Variants in SLC22A24 observed in about 807,000 individuals in gnomAD.
SLC22A24 encodes steroid transmembrane transporter SLC22A24.
A neutral mutation model predicts 49.8 loss-of-function variants in SLC22A24; 53 were observed. The ratio of observed to expected loss-of-function variants is 1.06; its 90% CI spans 0.85 to 1.34. The LOEUF (loss-of-function observed/expected upper bound fraction) is 1.34, where lower values mean the gene tolerates loss of function less well. SLC22A24 is among the 40% of genes most tolerant of loss of function. SLC22A24 has a pLI of 0.00. For synonymous variants in SLC22A24, 302 were observed against 256.4 expected, an observed-to-expected ratio of 1.18 and a Z score of -1.70; for missense variants, 786 against 675.9, an observed-to-expected ratio of 1.16 and a Z score of -1.81.
intron 6 of SLC22A24, among the ~76,000 whole-genome samples, chr11:63,095,050 C>T (rs1315749838): frequency 6.6e-6 from 1 of 152,064 alleles, no homozygotes; most frequent in African/African-American, 2.4e-5. Flanking sequence ...ACATGAAGTC[C>T]TTGCCCATGC....
chr11:63,083,167 C>A, intron 7 of SLC22A24, 76 bp downstream of exon 7: 1 of 1,190,672 alleles, frequency 8.4e-7, no homozygotes, highest in Non-Finnish European at 1.2e-6. Context: ...CTTTTGGCAC[C>A]AGGCATAAAA....
intron 4 of SLC22A24, chr11:63,115,996 C>A: frequency 3.0e-6 from 1 of 328,676 alleles, no homozygotes; most frequent in Admixed American, 3.7e-5. Context: ...TGCCCGAGCC[C>A]CTTGACAACA....
intron 1 of SLC22A24, among the ~76,000 whole-genome samples, chr11:63,136,353 C>A (rs527412338): frequency 6.6e-6 from 1 of 152,152 alleles, no homozygotes; most frequent in Non-Finnish European, 1.5e-5. Flanking sequence ...CTCAGCACTT[C>A]GATGAGATGC....
intron 6 of SLC22A24, among the ~76,000 whole-genome samples, chr11:63,093,569 A>G (rs2087034023): frequency 6.6e-6 from 1 of 152,168 alleles, no homozygotes; most frequent in Non-Finnish European, 1.5e-5. Flanking sequence ...GGAGGTTATT[A>G]TCCTTAGCAA....
chr11:63,125,802 A>G (rs1303072955), intron 2 of SLC22A24, among the ~76,000 whole-genome samples: 1 of 152,216 alleles, frequency 6.6e-6, no homozygotes, highest in Non-Finnish European at 1.5e-5. Flanking sequence ...ATTTCTCCAC[A>G]TCCTCTCCAG....
intron 4 of SLC22A24, among the ~76,000 whole-genome samples, chr11:63,107,580 C>T (rs2087130099): frequency 6.6e-6 from 1 of 152,008 alleles, no homozygotes; most frequent in Non-Finnish European, 1.5e-5. Context: ...AATGTTTTTC[C>T]ACTTGTTTGT....
chr11:63,083,984 A>G (rs1034269753), intron 6 of SLC22A24, among the ~76,000 whole-genome samples: 5 of 152,204 alleles, frequency 3.3e-5, no homozygotes, highest in Non-Finnish European at 5.9e-5. Context: ...TTACTTGTAT[A>G]ATCTGGCCCA....
Position 63,101,317 on chromosome 11 carries a change from T to A in SLC22A24, c.954+2858A>T, listed in dbSNP as rs540371275. On this transcript the variant is annotated intron_variant, in intron 5 of 9. Coordinates refer to ENST00000612278, the MANE Select transcript of SLC22A24 (RefSeq NM_001136506.2). ...GCAATGTTACTACTTGTTTTTTTTT[T>A]AAATTACACTAGGTAAGTGTTTATT... 2.5e-3 allele frequency among the ~76,000 whole-genome samples: 373 copies of A among 152,068 alleles called. 1 individual carries two copies. Among genetic ancestry groups the A allele is most frequent in the African/African-American group, 7.9e-3 (329 of 41,510 alleles).
intron 4 of SLC22A24, among the ~76,000 whole-genome samples, chr11:63,112,619 T>C: frequency 6.6e-6 from 1 of 152,160 alleles, no homozygotes. Context: ...CTCCTTCAGT[T>C]GTGCTCAGAT....
intron 1 of SLC22A24, 41 bp from the exon 2 acceptor site, chr11:63,134,809 G>A (rs1565045143): frequency 7.9e-6 from 11 of 1,384,848 alleles, no homozygotes; most frequent in Admixed American, 2.0e-5. Flanking sequence ...CTTGAGAAGA[G>A]TTTCAACTCT....
At chr11:63,096,741 G>A (rs1405687848) in intron 5 of SLC22A24, among the ~76,000 whole-genome samples, 1 of 152,160 alleles carries the variant, frequency 6.6e-6, no homozygotes, top group Non-Finnish European at 1.5e-5. Context: ...GGATGTGTTG[G>A]TGGAGTATGA....
chr11:63,123,692 C>T, intron 2 of SLC22A24, among the ~76,000 whole-genome samples: 1 of 152,140 alleles, frequency 6.6e-6, no homozygotes, highest in East Asian at 1.9e-4. Flanking sequence ...GCCTATATCC[C>T]CTTGGATTCT....
At chr11:63,132,896 TG>T (rs1211185789) in intron 2 of SLC22A24, among the ~76,000 whole-genome samples, 2 of 152,146 alleles carry the variant, frequency 1.3e-5, no homozygotes, top group Non-Finnish European at 2.9e-5. Flanking sequence ...TGTTCAGCTA[TG>T]CCCTGCCCCC....
rs1439380305 is a variant in SLC22A24, at chr11:63,118,901, A to G, written c.830+11T>C. On this transcript the variant is annotated intron_variant, in intron 4 of 9. Transcript: ENST00000612278. ...TCGCTTACAGGCAAAGAATGTGGAG[A>G]TTGTTCATACCAAGAGGACAAGAAG... is the stretch of plus-strand genomic sequence containing the variant. The G allele has an allele frequency of 6.4e-7, 1 of 1,551,930 alleles. No individual in the cohort carries two copies. Among genetic ancestry groups the G allele is most frequent in the Non-Finnish European group, 8.7e-7 (1 of 1,146,986 alleles).
intron 6 of SLC22A24, among the ~76,000 whole-genome samples, chr11:63,091,276 C>T (rs1451635348): frequency 2.6e-5 from 4 of 151,984 alleles, no homozygotes; most frequent in African/African-American, 9.7e-5. Context: ...GCCTACCAAC[C>T]AAAAAAGGGC....
intron 4 of SLC22A24, 162 bp downstream of exon 4, chr11:63,118,750 C>T: frequency 1.4e-6 from 1 of 723,314 alleles, no homozygotes; most frequent in South Asian, 1.6e-5. Flanking sequence ...CATATAGTGT[C>T]ATCCTATTCC....
chr11:63,083,411 G>C lies in SLC22A24; in HGVS notation c.1117C>G (p.His373Asp). The part of the protein sequence containing the change: ...PFYGLILNLQ[H>D]LGSNVSLFQI... The stretch of plus-strand genomic sequence containing the variant: ...AACAGGGAGACATTGCTCCCTAAGT[G>C]CTGCAAGTTGAGTATCAGGCCATAA... The change falls in exon 7 of 10, where the codon CAC (histidine) becomes GAC (aspartate). Residue 373 changes from histidine (H) to aspartate (D), a missense_variant. Coordinates refer to ENST00000612278, the MANE Select transcript of SLC22A24 (RefSeq NM_001136506.2). 6.4e-7 allele frequency: 1 copy of C among 1,551,438 alleles called. No homozygotes were observed. Among genetic ancestry groups the C allele is most frequent in the East Asian group, 2.4e-5 (1 of 40,918 alleles).
intron 6 of SLC22A24, among the ~76,000 whole-genome samples, chr11:63,087,421 A>G (rs1460672438): frequency 3.3e-5 from 5 of 152,274 alleles, no homozygotes; most frequent in African/African-American, 7.2e-5. Context: ...AGTTTTTGCA[A>G]TCTGCAGATC....
chr11:63,088,997 A>G (rs975095294), intron 6 of SLC22A24, among the ~76,000 whole-genome samples: 10 of 152,166 alleles, frequency 6.6e-5, no homozygotes, highest in Admixed American at 3.3e-4. Context: ...TGGAAAACAC[A>G]CTTCAGGATA....
Sources: gnomAD v4.1 joint callset for allele counts (sites outside exome capture counted in the v4.1 genomes callset) on GRCh38, gnomAD v4.1.1 for gene constraint, MANE v1.5 for transcripts, NCBI Gene and HGNC (gene_info 2026-07-23, HGNC 2026-07-21) for gene names.